NBN: variants seen among roughly 807,000 people sequenced by gnomAD.
NBN encodes the protein Nijmegen breakage syndrome 1 (nibrin).
Under a neutral mutation model 90.8 loss-of-function variants are expected in NBN, and 88 were observed. The ratio of observed to expected loss-of-function variants is 0.97; its 90% CI spans 0.82 to 1.16. The LOEUF is 1.16. Among genes scored for constraint, NBN ranks in the 50% most tolerant of loss-of-function variants. The pLI is 0.00. For missense variants in NBN, 894 were observed against 869.6 expected (o/e 1.03, Z -0.35); for synonymous variants, 328 against 295.1 (o/e 1.11, Z -1.14).
At chr8:89,969,017 C>G (rs1365622968) in intron 7 of NBN, among the ~76,000 whole-genome samples, 3 of 151,976 alleles carry the variant, frequency 2.0e-5, no homozygotes, top group Non-Finnish European at 4.4e-5. Flanking sequence ...TTTCAGCAAG[C>G]CTGTAAGAGA....
chr8:89,981,564 G>C, intron 2 of NBN, 41 bp from the exon 3 acceptor site: 1 of 1,605,256 alleles, frequency 6.2e-7, no homozygotes, highest in Non-Finnish European at 8.5e-7. Flanking sequence ...TTACCACTCA[G>C]TACATTCACT....
intron 11 of NBN, among the ~76,000 whole-genome samples, chr8:89,949,686 A>T (rs549120198): frequency 2.6e-5 from 4 of 152,358 alleles, no homozygotes; most frequent in Admixed American, 6.5e-5. Flanking sequence ...CCAAAAACAG[A>T]GAAATGACAG....
intron 5 of NBN, among the ~76,000 whole-genome samples, chr8:89,973,507 C>G (rs971121932): frequency 6.6e-6 from 1 of 152,032 alleles, no homozygotes; most frequent in Non-Finnish European, 1.5e-5. Flanking sequence ...CTTAGTAATA[C>G]CTACATTTGA....
chr8:89,933,580 TG>T lies in NBN; in HGVS notation c.*2001del, dbSNP rs1258485825. 6.9e-5 allele frequency: 16 copies of T among 231,838 alleles called. No homozygotes were observed. Among genetic ancestry groups the T allele is most frequent in the Non-Finnish European group, 1.0e-4 (12 of 117,382 alleles). 14.4% of individuals were successfully genotyped at this position (231,838 alleles called of 1,614,324 possible). On this transcript the variant is annotated 3_prime_UTR_variant, in exon 16 of 16. Transcript: ENST00000265433. ...GTGTTACAATGACTGGATACTTGTA[TG>T]GGGGAAAAAAAGAACCCTGATCCAT...
At position 89,935,414 on chromosome 8, in the gene NBN, T is replaced by C. The variant is rs1809623578; in HGVS notation, c.*168A>G. The C allele has an allele frequency of 1.4e-6, 1 of 733,742 alleles. No homozygotes were observed. The highest frequency in any genetic ancestry group is 2.2e-6 in the Non-Finnish European group (1 of 448,518). 45.5% of individuals were successfully genotyped at this position (733,742 alleles called of 1,614,324 possible). On this transcript the variant is annotated 3_prime_UTR_variant, in exon 16 of 16. Coordinates refer to ENST00000265433, the MANE Select transcript of NBN (RefSeq NM_002485.5). ...AAAGCCTGAAAACAGAACAAACAATTGTTACATACAAAAGAATCAAAGTTT... is the reference window on the plus strand; with the variant it reads ...AAAGCCTGAAAACAGAACAAACAATCGTTACATACAAAAGAATCAAAGTTT...
At chr8:89,955,843 A>G (rs1040712303) in intron 9 of NBN, among the ~76,000 whole-genome samples, 4 of 152,164 alleles carry the variant, frequency 2.6e-5, no homozygotes, top group Non-Finnish European at 4.4e-5. Context: ...ATAGCCTATT[A>G]TAAGTTAAAC....
Position 89,977,624 on chromosome 8 carries a change from G to T in NBN, c.584+596C>A, listed in dbSNP as rs1811828084. 2.0e-5 allele frequency among the ~76,000 whole-genome samples: 3 copies of T among 152,166 alleles called. No homozygotes were observed. The South Asian group carries it at 6.2e-4, about 32-fold the overall frequency. ...ATTGCTGGGTCAATTGGTATTTCTGGTTCTAGATCCTTAAGGAATCACCAC... is the reference window on the plus strand; with the variant it reads ...ATTGCTGGGTCAATTGGTATTTCTGTTTCTAGATCCTTAAGGAATCACCAC... On this transcript the variant is annotated intron_variant, in intron 5 of 15. Transcript: ENST00000265433.
intron 14 of NBN, among the ~76,000 whole-genome samples, chr8:89,942,195 C>A (rs753527155): frequency 6.6e-6 from 1 of 152,146 alleles, no homozygotes; most frequent in Non-Finnish European, 1.5e-5. Flanking sequence ...CATCTTCATT[C>A]TGGCACTTAG....
chr8:89,983,567 AG>A (rs1418329056), intron 1 of NBN, among the ~76,000 whole-genome samples: 1 of 152,256 alleles, frequency 6.6e-6, no homozygotes, highest in Non-Finnish European at 1.5e-5. Context: ...AACAAAGTCC[AG>A]ACTAAGATGC....
chr8:89,943,239 C>A lies in NBN; in HGVS notation c.2184+14G>T, dbSNP rs772149583. 6.2e-7 allele frequency: 1 copy of A among 1,613,480 alleles called. No individual in the cohort carries two copies. The highest frequency in any genetic ancestry group is 1.1e-5 in the South Asian group (1 of 91,070). Reference sequence around the variant, plus strand: ...GCAATTTAAGCAAGTTTCTGGGCCTCACTTCCTACTAACCTCCATTTCCTG... The same window carrying A: ...GCAATTTAAGCAAGTTTCTGGGCCTAACTTCCTACTAACCTCCATTTCCTG... On this transcript the variant is annotated intron_variant, in intron 14 of 15. Transcript: ENST00000265433.
Position 89,970,415 on chromosome 8 carries a change from AT to A in NBN, c.844del (p.Ile282PhefsTer12), listed in dbSNP as rs1554563861. 6.2e-7 allele frequency: 1 copy of A among 1,614,008 alleles called. No individual in the cohort carries two copies. On this transcript the variant is annotated frameshift_variant, in exon 7 of 16. Transcript: ENST00000265433. LOFTEE classifies it high-confidence loss of function. ...DTGITNSQTL[I>X]PDCQKKWIQS... Reference sequence around the variant, plus strand: ...AATCCATTTCTTCTGACAGTCAGGAATTAAGGTCTGTGAGTTTGTTATTCCT... The same window carrying A: ...AATCCATTTCTTCTGACAGTCAGGAATAAGGTCTGTGAGTTTGTTATTCCT...
chr8:89,981,655 C>A, intron 2 of NBN, 132 bp from the exon 3 acceptor site: 1 of 907,260 alleles, frequency 1.1e-6, no homozygotes, highest in Non-Finnish European at 1.7e-6. Flanking sequence ...ATTACTGCTT[C>A]GGTTGCCTTG....
intron 4 of NBN, among the ~76,000 whole-genome samples, chr8:89,980,178 A>G (rs917206561): frequency 1.3e-5 from 2 of 152,244 alleles, no homozygotes; most frequent in South Asian, 4.1e-4. Flanking sequence ...TTTCTCCACG[A>G]TAACTCTTTA....
At chr8:89,982,570 T>G in intron 2 of NBN, 152 bp downstream of exon 2, 1 of 698,894 alleles carries the variant, frequency 1.4e-6, no homozygotes, top group Non-Finnish European at 2.5e-6. Context: ...ACTGCCACAA[T>G]ATAAGTATTT....
intron 11 of NBN, 89 bp from the exon 12 acceptor site, chr8:89,947,981 G>A (rs1245780407): frequency 1.1e-5 from 8 of 751,006 alleles, no homozygotes; most frequent in African/African-American, 8.9e-5. Context: ...AAGATGAAGT[G>A]TAAAATGGTT....
At chr8:89,954,954 A>C (rs1002563873) in intron 10 of NBN, among the ~76,000 whole-genome samples, 1 of 152,146 alleles carries the variant, frequency 6.6e-6, no homozygotes. Flanking sequence ...AATTGATGGA[A>C]TATGGTCCTA....
At chr8:89,939,082 A>T (rs1324828067) in intron 14 of NBN, among the ~76,000 whole-genome samples, 1 of 152,224 alleles carries the variant, frequency 6.6e-6, no homozygotes, top group Non-Finnish European at 1.5e-5. Flanking sequence ...GATACAGTTC[A>T]AATAATTTTT....
chr8:89,934,550 C>G lies in NBN; in HGVS notation c.*1032G>C, dbSNP rs148398077. 1.6e-3 allele frequency: 372 copies of G among 233,226 alleles called. 1 individual carries two copies. Among genetic ancestry groups the G allele is most frequent in the African/African-American group, 7.7e-3 (352 of 45,476 alleles). The allele number at this position is 233,226 out of a possible 1,614,324, so 14.4% of individuals were successfully genotyped here. A position where few individuals can be genotyped will look rare whatever the true frequency, so the allele number is the denominator to read the frequency against. ...GTGAGAGTGATGTAGAGGCCAGCCT[C>G]TTGTCCCTTCTGTTGCTTCTGTTTA... is the stretch of plus-strand genomic sequence containing the variant. On this transcript the variant is annotated 3_prime_UTR_variant, in exon 16 of 16. Coordinates refer to ENST00000265433, the MANE Select transcript of NBN (RefSeq NM_002485.5).
Position 89,982,865 on chromosome 8 carries a change from A to T in NBN, c.38-10T>A, listed in dbSNP as rs556807466. Reference sequence around the variant, plus strand: ...AGTCTGTATGGTTCTCCTGAGATAAATTTTTTTTTAAAAAAAGATAAGTTG... The same window carrying T: ...AGTCTGTATGGTTCTCCTGAGATAATTTTTTTTTTAAAAAAAGATAAGTTG... On this transcript the variant is annotated splice_polypyrimidine_tract_variant and intron_variant, in intron 1 of 15. Transcript: ENST00000265433. The T allele has an allele frequency of 1.2e-4, 197 of 1,610,294 alleles. 1 individual carries two copies. Among genetic ancestry groups the T allele is most frequent in the Middle Eastern group, 1.7e-4 (1 of 6,052 alleles).
Sources: gnomAD v4.1 joint callset for allele counts (sites outside exome capture counted in the v4.1 genomes callset) on GRCh38, gnomAD v4.1.1 for gene constraint, MANE v1.5 for transcripts, NCBI Gene and HGNC (gene_info 2026-07-23, HGNC 2026-07-21) for gene names.